The following SNX10 variants were observed in gnomAD, a reference collection of about 807,000 sequenced individuals.
SNX10 encodes sorting nexin-10.
A neutral mutation model predicts 28.5 loss-of-function variants in SNX10; 25 were observed. The observed-to-expected ratio is 0.88, with a 90% CI of 0.64 to 1.22. SNX10 has a LOEUF of 1.22. SNX10 is among the 50% of genes most tolerant of loss of function. The probability of loss-of-function intolerance (pLI) is 0.00; values close to 1 mark genes in which losing one functional copy is unlikely to be tolerated. For synonymous variants in SNX10, 62 were observed against 81.4 expected, an observed-to-expected ratio of 0.76 and a Z score of 1.28; for missense variants, 223 against 242.6, an observed-to-expected ratio of 0.92 and a Z score of 0.54.
At chr7:26,336,402 C>T (rs1787948487) in intron 1 of SNX10, among the ~76,000 whole-genome samples, 1 of 151,412 alleles carries the variant, frequency 6.6e-6, no homozygotes, top group Non-Finnish European at 1.5e-5. Context: ...TTTAAAAAAT[C>T]ACTTAATAAT....
At chr7:26,293,781 G>A (rs1786011699) in intron 1 of SNX10, among the ~76,000 whole-genome samples, 1 of 152,156 alleles carries the variant, frequency 6.6e-6, no homozygotes, top group South Asian at 2.1e-4. Context: ...CTCCAGGCTG[G>A]TACACACTTC....
intron 1 of SNX10, among the ~76,000 whole-genome samples, chr7:26,299,634 T>A (rs982175363): frequency 6.6e-6 from 1 of 151,206 alleles, no homozygotes; most frequent in Non-Finnish European, 1.5e-5. Context: ...TTTCACCGTG[T>A]TGGCTGGTCT....
Position 26,364,661 on chromosome 7 carries a change from A to T in SNX10, c.212+26A>T. 6.7e-7 allele frequency: 1 copy of T among 1,498,434 alleles called. No individual in the cohort carries two copies. The highest frequency in any genetic ancestry group is 9.2e-7 in the Non-Finnish European group (1 of 1,083,050). The allele number at this position is 1,498,434 out of a possible 1,614,324, so 92.8% of individuals were successfully genotyped here. A position where few individuals can be genotyped will look rare whatever the true frequency, so the allele number is the denominator to read the frequency against. On this transcript the variant is annotated intron_variant, in intron 4 of 6. Coordinates refer to ENST00000338523, the MANE Select transcript of SNX10 (RefSeq NM_013322.3). The surrounding 1 kb of genome is among the most constrained non-coding windows in gnomAD (Gnocchi z 4.9). ...GTAAGTGATTTAGAGTATACTGTGGAGACTTTGTCATTATATTCAGTATTT... is the reference window on the plus strand; with the variant it reads ...GTAAGTGATTTAGAGTATACTGTGGTGACTTTGTCATTATATTCAGTATTT...
intron 1 of SNX10, among the ~76,000 whole-genome samples, chr7:26,341,363 C>T (rs1788169956): frequency 6.6e-6 from 1 of 152,010 alleles, no homozygotes; most frequent in Non-Finnish European, 1.5e-5. Context: ...AATGGGTGGC[C>T]ATCCAGGTGT....
intron 2 of SNX10, among the ~76,000 whole-genome samples, chr7:26,357,696 T>G (rs2128019280): frequency 6.6e-6 from 1 of 152,242 alleles, no homozygotes; most frequent in South Asian, 2.1e-4. Context: ...GGAATAGTTG[T>G]CAGTGGTTCC....
chr7:26,353,445 T>TC, intron 2 of SNX10, among the ~76,000 whole-genome samples: 1 of 82,284 alleles, frequency 1.2e-5, no homozygotes, highest in Admixed American at 1.2e-4. Context: ...TGCTTTTTTT[T>TC]TTTTTTTTTT....
intron 2 of SNX10, among the ~76,000 whole-genome samples, chr7:26,349,136 TATG>T (rs1788498792): frequency 6.6e-6 from 1 of 152,174 alleles, no homozygotes; most frequent in Admixed American, 6.5e-5. Flanking sequence ...CCAAATGCAG[TATG>T]ACTGATTGTT....
intron 1 of SNX10, among the ~76,000 whole-genome samples, chr7:26,342,657 G>A (rs2128010213): frequency 6.6e-6 from 1 of 152,184 alleles, no homozygotes; most frequent in South Asian, 2.1e-4. Flanking sequence ...AGACAATATG[G>A]AAGTGTATAG....
At chr7:26,292,392 G>C (rs1285120995) in intron 1 of SNX10, among the ~76,000 whole-genome samples, 1 of 152,186 alleles carries the variant, frequency 6.6e-6, no homozygotes, top group Non-Finnish European at 1.5e-5. Context: ...TCTAGATTAC[G>C]GAAGAAGTGC....
intron 5 of SNX10, among the ~76,000 whole-genome samples, chr7:26,366,233 A>T (rs1789283237): frequency 6.6e-6 from 1 of 152,216 alleles, no homozygotes; most frequent in Non-Finnish European, 1.5e-5. Flanking sequence ...TGAAATAAAT[A>T]TACTGCCTCC....
chr7:26,298,853 G>A (rs1238480492), intron 1 of SNX10, among the ~76,000 whole-genome samples: 1 of 152,202 alleles, frequency 6.6e-6, no homozygotes, highest in Admixed American at 6.5e-5. Flanking sequence ...TGGAAAAAGA[G>A]AGAAAGAGAA....
intron 2 of SNX10, among the ~76,000 whole-genome samples, chr7:26,351,891 C>T (rs1454267607): frequency 1.3e-5 from 2 of 151,736 alleles, no homozygotes; most frequent in Non-Finnish European, 2.9e-5. Flanking sequence ...CTCCTGACCT[C>T]GTGATCCGCC....
intron 1 of SNX10, among the ~76,000 whole-genome samples, chr7:26,333,502 T>C (rs527550472): frequency 1.3e-5 from 2 of 151,258 alleles, no homozygotes; most frequent in South Asian, 4.2e-4. Flanking sequence ...TTTTTTGTAT[T>C]TTTAGTAGAG....
chr7:26,319,902 T>C (rs1443957569), intron 1 of SNX10, among the ~76,000 whole-genome samples: 1 of 151,954 alleles, frequency 6.6e-6, no homozygotes, highest in African/African-American at 2.4e-5. Context: ...AAGAAAGAAG[T>C]GTGGGGCTCT....
At chr7:26,305,985 C>T (rs978330443) in intron 1 of SNX10, among the ~76,000 whole-genome samples, 2 of 152,162 alleles carry the variant, frequency 1.3e-5, no homozygotes, top group African/African-American at 4.8e-5. Context: ...ACCTCTGCCT[C>T]CCAGGGTTAA....
intron 2 of SNX10, among the ~76,000 whole-genome samples, chr7:26,354,340 T>A (rs1052113975): frequency 6.6e-6 from 1 of 152,150 alleles, no homozygotes; most frequent in African/African-American, 2.4e-5. Flanking sequence ...TTCTATTTTT[T>A]AAATAAGAGT....
chr7:26,372,395 G>A, intron 6 of SNX10, 96 bp from the exon 7 acceptor site: 1 of 785,612 alleles, frequency 1.3e-6, no homozygotes, highest in East Asian at 2.5e-5. Context: ...TTTGTGACTG[G>A]AGATAATTAA....
intron 2 of SNX10, among the ~76,000 whole-genome samples, chr7:26,355,850 G>C (rs1010387676): frequency 1.3e-5 from 2 of 152,182 alleles, no homozygotes; most frequent in Non-Finnish European, 1.5e-5. Flanking sequence ...CTTAGCTCAG[G>C]CTGGTCATTT....
At chr7:26,353,460 T>G (rs372189683) in intron 2 of SNX10, among the ~76,000 whole-genome samples, 9,850 of 82,034 alleles carry the variant, frequency 0.12, 1,593 homozygotes, top group East Asian at 0.33. Flanking sequence ...TTTTTTTTTT[T>G]GGTGGGGAGA....
Sources: allele counts gnomAD v4.1 joint callset (sites outside exome capture counted in the v4.1 genomes callset), GRCh38; gene constraint gnomAD v4.1.1; non-coding constraint Gnocchi (gnomAD v3.1); transcripts MANE v1.5; gene names NCBI Gene and HGNC (gene_info 2026-07-23, HGNC 2026-07-21).